FBXL5: variants seen among roughly 807,000 people sequenced by gnomAD.
The protein encoded by FBXL5 is F-box/LRR-repeat protein 5.
FBXL5 carries 26 observed loss-of-function variants against 78.3 expected under a neutral mutation model. That is an observed-to-expected ratio of 0.33 (90% confidence interval 0.24 to 0.46). The LOEUF (loss-of-function observed/expected upper bound fraction) is 0.46. FBXL5 is among the 20% of genes least tolerant of loss of function. The pLI is 1.00. For synonymous variants in FBXL5, 295 were observed against 282.5 expected (o/e 1.04, Z -0.45); for missense variants, 710 against 829.2 (o/e 0.86, Z 1.77).
intron 1 of FBXL5, among the ~76,000 whole-genome samples, chr4:15,674,220 T>A (rs997056091): frequency 1.7e-4 from 25 of 150,372 alleles, no homozygotes; most frequent in Admixed American, 1.1e-3. Context: ...TTTTTTTTTT[T>A]AATTCTCTAG....
chr4:15,642,344 C>T (rs1016332772), intron 2 of FBXL5, among the ~76,000 whole-genome samples: 1 of 151,744 alleles, frequency 6.6e-6, no homozygotes, highest in Non-Finnish European at 1.5e-5. Flanking sequence ...GCGATTCTCC[C>T]ACCTCAGTCT....
upstream of FBXL5, among the ~76,000 whole-genome samples, chr4:15,658,795 G>C (rs935351825): frequency 6.6e-6 from 1 of 152,136 alleles, no homozygotes; most frequent in African/African-American, 2.4e-5. Flanking sequence ...CTACTTTCTC[G>C]ATAGCCACAG....
At chr4:15,667,486 G>A (rs1349302967) in intron 1 of FBXL5, among the ~76,000 whole-genome samples, 3 of 151,982 alleles carry the variant, frequency 2.0e-5, no homozygotes, top group Non-Finnish European at 4.4e-5. Flanking sequence ...AAATGGAATA[G>A]TATTCCATTT....
At chr4:15,632,830 A>C (rs1713819468) in intron 5 of FBXL5, among the ~76,000 whole-genome samples, 1 of 152,156 alleles carries the variant, frequency 6.6e-6, no homozygotes, top group Non-Finnish European at 1.5e-5. Context: ...TTTTCCAAAT[A>C]TACAATCATG....
chr4:15,625,995 G>A lies in FBXL5; in HGVS notation c.1125-18C>T, dbSNP rs972942182. The A allele has an allele frequency of 1.3e-6, 2 of 1,519,922 alleles. No homozygotes were observed. Among genetic ancestry groups the A allele is most frequent in the Non-Finnish European group, 1.7e-6 (2 of 1,144,716 alleles). The allele number at this position is 1,519,922 out of a possible 1,614,324, so 94.2% of individuals were successfully genotyped here. ...AAGACCAACTATAATTAAAAGACAA[G>A]ACTATTAATGAATATTGTTAAATTT... On this transcript the variant is annotated intron_variant, in intron 8 of 10. Transcript: ENST00000341285.
At chr4:15,628,788 C>CACACACGCAT (rs10676010) in intron 6 of FBXL5, among the ~76,000 whole-genome samples, 2 of 77,666 alleles carry the variant, frequency 2.6e-5, no homozygotes, top group African/African-American at 8.5e-5. Context: ...CACACACACA[C>CACACACGCAT]GCACACACAC....
chr4:15,615,313 G>A (rs1240168253), intron 9 of FBXL5, among the ~76,000 whole-genome samples: 2 of 152,126 alleles, frequency 1.3e-5, no homozygotes, highest in African/African-American at 4.8e-5. Flanking sequence ...CACGGCGCGG[G>A]ACTGGCAGGC....
At chr4:15,669,629 G>C (rs957223429) in intron 1 of FBXL5, among the ~76,000 whole-genome samples, 1 of 152,108 alleles carries the variant, frequency 6.6e-6, no homozygotes, top group Non-Finnish European at 1.5e-5. Context: ...TGGCTTCAAT[G>C]ATCATCAACC....
At chr4:15,624,027 TG>T (rs1712757380) in intron 9 of FBXL5, among the ~76,000 whole-genome samples, 1 of 151,976 alleles carries the variant, frequency 6.6e-6, no homozygotes, top group African/African-American at 2.4e-5. Flanking sequence ...GGTTTCACCA[TG>T]TTAGCCAGGA....
At chr4:15,643,871 C>G (rs796849647) in intron 2 of FBXL5, among the ~76,000 whole-genome samples, 1 of 152,206 alleles carries the variant, frequency 6.6e-6, no homozygotes, top group African/African-American at 2.4e-5. Context: ...AAAACTTCGA[C>G]TTACAAAAAC....
At chr4:15,659,945 G>A (rs1577505223), upstream of FBXL5, 1 of 152,982 alleles carries the variant, frequency 6.5e-6, no homozygotes, top group East Asian at 1.9e-4. Context: ...GAAATGATAA[G>A]TTCCTGTAAA....
intron 1 of FBXL5, among the ~76,000 whole-genome samples, chr4:15,665,592 ACT>A (rs1281856374): frequency 1.3e-5 from 2 of 151,540 alleles, no homozygotes; most frequent in Admixed American, 1.3e-4. Context: ...ACTCTTTCCC[ACT>A]CTTCTTCCCA....
chr4:15,680,720 A>T (rs1273103985), intron 1 of FBXL5, among the ~76,000 whole-genome samples: 1 of 152,074 alleles, frequency 6.6e-6, no homozygotes, highest in Non-Finnish European at 1.5e-5. Context: ...AAAATTTTTA[A>T]AAATTTGACT....
chr4:15,674,710 C>A (rs1428333574), intron 1 of FBXL5, among the ~76,000 whole-genome samples: 1 of 150,480 alleles, frequency 6.6e-6, no homozygotes, highest in Non-Finnish European at 1.5e-5. Flanking sequence ...AGTGCAGTGA[C>A]GCGATCTTGG....
intron 1 of FBXL5, among the ~76,000 whole-genome samples, chr4:15,652,286 A>G (rs547369891): frequency 3.9e-5 from 6 of 152,362 alleles, no homozygotes; most frequent in Admixed American, 6.5e-5. Flanking sequence ...AGAAACTACT[A>G]TGATTTAATA....
At chr4:15,677,608 C>T (rs943569760) in intron 1 of FBXL5, among the ~76,000 whole-genome samples, 1 of 152,118 alleles carries the variant, frequency 6.6e-6, no homozygotes, top group Non-Finnish European at 1.5e-5. Context: ...ATTGGAAGCT[C>T]AAGGGGCTTC....
In FBXL5 at chr4:15,655,343, C is replaced by G. The variant is rs1042936751; in HGVS notation, c.-56G>C. 4 of 1,289,310 alleles carry G rather than the reference C, an allele frequency of 3.1e-6. No individual in the cohort carries two copies. Among genetic ancestry groups the G allele is most frequent in the Non-Finnish European group, 4.1e-6 (4 of 986,922 alleles). The allele number at this position is 1,289,310 out of a possible 1,614,324, so 79.9% of individuals were successfully genotyped here. A position where few individuals can be genotyped will look rare whatever the true frequency, so the allele number is the denominator to read the frequency against. On this transcript the variant is annotated 5_prime_UTR_variant, in exon 1 of 11. Transcript: ENST00000341285. ...CGCGGCCGCCGCCTCTCCATAGACA[C>G]CCTCGCCGCGGGGCAGAGGCGGCGC... is the stretch of plus-strand genomic sequence containing the variant.
At chr4:15,659,847 G>T, upstream of FBXL5, 2 of 463,464 alleles carry the variant, frequency 4.3e-6, no homozygotes, top group Non-Finnish European at 5.7e-6. Context: ...TGTATGGCCT[G>T]AGGGAAAGGT....
intron 10 of FBXL5, among the ~76,000 whole-genome samples, chr4:15,606,135 T>G (rs998949891): frequency 1.3e-5 from 2 of 152,184 alleles, no homozygotes; most frequent in African/African-American, 2.4e-5. Flanking sequence ...TCTTATAATC[T>G]GAACATCCTC....
Sources: gnomAD v4.1 joint callset for allele counts (sites outside exome capture counted in the v4.1 genomes callset) on GRCh38, gnomAD v4.1.1 for gene constraint, MANE v1.5 for transcripts, NCBI Gene and HGNC (gene_info 2026-07-23, HGNC 2026-07-21) for gene names.